ANKRD30A: variants seen among roughly 807,000 people sequenced by gnomAD.
ANKRD30A encodes the protein ankyrin repeat domain-containing protein 30A.
A neutral mutation model predicts 166.3 loss-of-function variants in ANKRD30A; 170 were observed. The observed-to-expected ratio is 1.02, with a 90% CI of 0.90 to 1.16. ANKRD30A has a LOEUF of 1.16. Ranked by LOEUF, ANKRD30A falls within the 50% of genes most tolerant of loss-of-function variation. ANKRD30A has a pLI of 0.00. For missense variants in ANKRD30A, 1,630 were observed against 1,518.0 expected (o/e 1.07, Z -1.23); for synonymous variants, 564 against 508.9 (o/e 1.11, Z -1.46).
chr10:37,208,909 AC>A (rs1390490830), intron 31 of ANKRD30A, among the ~76,000 whole-genome samples: 1 of 152,148 alleles, frequency 6.6e-6, no homozygotes, highest in Non-Finnish European at 1.5e-5. Flanking sequence ...CCCTTTGGCA[AC>A]CACTGATCTT....
Position 37,129,940 on chromosome 10 carries a change from C to T in ANKRD30A, c.269C>T (p.Thr90Ile). The change falls in exon 2 of 36, where the codon ACA becomes ATA. Residue 90 changes from threonine (T) to isoleucine (I), a missense_variant. Thr to Ile is a moderately conservative substitution (Grantham distance 89). Transcript: ENST00000361713. ...ACVNGHEEVV[T>I]FLVDRKCQLD... ...GTCAATGGCCATGAGGAAGTAGTAA[C>T]ATTTCTGGTAGACAGAAAGTGCCAG... 1 of 1,578,460 alleles carries T rather than the reference C, an allele frequency of 6.3e-7. No homozygotes were observed. Among genetic ancestry groups the T allele is most frequent in the Non-Finnish European group, 8.6e-7 (1 of 1,160,034 alleles).
chr10:37,195,037 ACTT>A (rs1170501686), intron 27 of ANKRD30A, among the ~76,000 whole-genome samples: 2 of 152,180 alleles, frequency 1.3e-5, no homozygotes, highest in Non-Finnish European at 2.9e-5. Flanking sequence ...TTTAGTTTAC[ACTT>A]CTTAGAAAAT....
At position 37,198,318 on chromosome 10, in the gene ANKRD30A, T is replaced by G. The variant is rs536492112; in HGVS notation, c.2716+838T>G. Among the ~76,000 whole-genome samples, 4 of 152,218 alleles carry G rather than the reference T, an allele frequency of 2.6e-5. No individual in the cohort carries two copies. In the South Asian group the frequency reaches 8.3e-4, roughly 31 times the overall value. On this transcript the variant is annotated intron_variant, in intron 29 of 35. Transcript: ENST00000361713. The stretch of plus-strand genomic sequence containing the variant: ...TCGTTTTTGATCAGCATTATAATTT[T>G]TAGAAACATCCGTATAGGACACAGT...
chr10:37,259,119 A>T, the ANKRD30A span, among the ~76,000 whole-genome samples: 2 of 152,122 alleles, frequency 1.3e-5, no homozygotes, highest in Admixed American at 6.5e-5. Flanking sequence ...AGAACTTTGT[A>T]TTAAGAAAGT....
At chr10:37,144,126 C>T (rs1837346549) in intron 7 of ANKRD30A, among the ~76,000 whole-genome samples, 1 of 151,464 alleles carries the variant, frequency 6.6e-6, no homozygotes, top group African/African-American at 2.4e-5. Flanking sequence ...TTTCTTTGTC[C>T]CTGTGAAAGC....
In ANKRD30A at chr10:37,125,988, T is replaced by C. The variant is rs1283380989; in HGVS notation, c.201T>C (p.Asn67=). Reference sequence around the variant, plus strand: ...AGAGGAAGAAGACCATCAACCTTAATATACAAGACGCCCAGAAGAGGTACC... The same window carrying C: ...AGAGGAAGAAGACCATCAACCTTAACATACAAGACGCCCAGAAGAGGTACC... The part of the protein sequence containing the change: ...MTKRKKTINL[N]IQDAQKRTAL... The change falls in exon 1 of 36, where the codon AAT becomes AAC. Residue 67 remains asparagine (N), a synonymous_variant. Transcript: ENST00000361713. The C allele has an allele frequency of 6.2e-7, 1 of 1,610,814 alleles. No homozygotes were observed. The highest frequency in any genetic ancestry group is 8.5e-7 in the Non-Finnish European group (1 of 1,179,434).
chr10:37,166,115 C>T (rs1839313372), intron 18 of ANKRD30A, among the ~76,000 whole-genome samples: 1 of 152,096 alleles, frequency 6.6e-6, no homozygotes, highest in African/African-American at 2.4e-5. Context: ...AAATTCTGTA[C>T]ATACATTCTA....
intron 24 of ANKRD30A, among the ~76,000 whole-genome samples, chr10:37,178,992 C>A (rs1419076599): frequency 1.5e-5 from 2 of 137,076 alleles, no homozygotes; most frequent in South Asian, 2.4e-4. Flanking sequence ...CATTAATTTT[C>A]TTTATTACTA....
In ANKRD30A at chr10:37,142,047, G is replaced by A. The variant is rs772987097; in HGVS notation, c.1150G>A (p.Ala384Thr). 89 of 1,605,968 alleles carry A rather than the reference G, an allele frequency of 5.5e-5. No individual in the cohort carries two copies. The highest frequency in any genetic ancestry group is 3.3e-4 in the African/African-American group (24 of 72,410). Residue 384 changes from alanine (A) to threonine (T), a missense_variant, in exon 7 of 36, where the codon GCA (alanine) becomes ACA (threonine). Around this residue, in one of 4 missense-constraint regions of ANKRD30A, gnomAD observed 904 missense variants for 818.5 expected, o/e 1.10. Transcript: ENST00000361713. The stretch of plus-strand genomic sequence containing the variant: ...AGCAAAAGGAAGACCTAGGAAGATC[G>A]CATGGGAGAAAAAAGAAGACACACC... ...WPAKGRPRKIAWEKKEDTPRE... is the reference protein window; with the variant it reads ...WPAKGRPRKITWEKKEDTPRE...
chr10:37,248,707 T>C, the ANKRD30A span, among the ~76,000 whole-genome samples: 3 of 152,032 alleles, frequency 2.0e-5, no homozygotes, highest in Non-Finnish European at 4.4e-5. Flanking sequence ...ACTTTTTTTT[T>C]TTTTTAATGA....
At chr10:37,250,344 GA>G in the ANKRD30A span, among the ~76,000 whole-genome samples, 1 of 152,086 alleles carries the variant, frequency 6.6e-6, no homozygotes, top group Non-Finnish European at 1.5e-5. Context: ...AGGATTCAGA[GA>G]AGGAGCATTC....
At chr10:37,246,357 T>TTGA in the ANKRD30A span, among the ~76,000 whole-genome samples, 1 of 152,236 alleles carries the variant, frequency 6.6e-6, no homozygotes, top group Admixed American at 6.5e-5. Context: ...TAAACTGAAC[T>TTGA]TGATTGTGAT....
chr10:37,139,039 G>T (rs551589791), intron 6 of ANKRD30A, among the ~76,000 whole-genome samples: 12 of 152,264 alleles, frequency 7.9e-5, no homozygotes, highest in East Asian at 3.9e-4. Context: ...CGGCAGAAAC[G>T]CTACAAGCCA....
At chr10:37,136,191 T>G (rs868405570) in intron 5 of ANKRD30A, among the ~76,000 whole-genome samples, 4 of 152,212 alleles carry the variant, frequency 2.6e-5, no homozygotes, top group Admixed American at 6.5e-5. Context: ...ATTTTTAAAA[T>G]GTTATCTTGT....
the ANKRD30A span, among the ~76,000 whole-genome samples, chr10:37,253,639 TTTTC>T: frequency 6.8e-6 from 1 of 146,624 alleles, no homozygotes; most frequent in Non-Finnish European, 1.5e-5. Context: ...TATTATAAGG[TTTTC>T]TTTTTCTTTT....
At chr10:37,196,069 G>A (rs1456531897) in intron 27 of ANKRD30A, among the ~76,000 whole-genome samples, 1 of 149,296 alleles carries the variant, frequency 6.7e-6, no homozygotes, top group Admixed American at 6.7e-5. Context: ...ATTCTACAGA[G>A]TTAGAGGTTT....
chr10:37,128,209 T>C (rs1836166656), intron 1 of ANKRD30A, among the ~76,000 whole-genome samples: 1 of 152,064 alleles, frequency 6.6e-6, no homozygotes, highest in Non-Finnish European at 1.5e-5. Context: ...TTTGAGGACA[T>C]TTGTTTTAAT....
At chr10:37,265,087 C>G in the ANKRD30A span, among the ~76,000 whole-genome samples, 6 of 152,166 alleles carry the variant, frequency 3.9e-5, no homozygotes, top group African/African-American at 7.2e-5. Context: ...TCTAACAGCT[C>G]TATGAACCAG....
Position 37,142,241 on chromosome 10 carries a change from G to A in ANKRD30A, c.1344G>A (p.Lys448=). Residue 448 remains lysine (K), a synonymous_variant, in exon 7 of 36, where the codon AAG becomes AAA. Transcript: ENST00000361713. ...KTKVLEKGRS[K]MIACPTKESS... The stretch of plus-strand genomic sequence containing the variant: ...AAGTTTTGGAAAAAGGAAGATCTAA[G>A]ATGATTGCATGTCCTACAAAAGAAT... The A allele has an allele frequency of 6.2e-7, 1 of 1,605,910 alleles. No individual in the cohort carries two copies. Among genetic ancestry groups the A allele is most frequent in the Non-Finnish European group, 8.5e-7 (1 of 1,178,060 alleles).
Sources: gnomAD v4.1 joint callset for allele counts (sites outside exome capture counted in the v4.1 genomes callset) on GRCh38, gnomAD v4.1.1 for gene constraint, gnomAD v4.1.1 regional missense constraint, MANE v1.5 for transcripts, NCBI Gene and HGNC (gene_info 2026-07-23, HGNC 2026-07-21) for gene names.